Variants in TF observed in about 807,000 individuals in gnomAD.
TF encodes the protein serotransferrin.
Under a neutral mutation model 82.4 loss-of-function variants are expected in TF, and 55 were observed. The observed-to-expected ratio is 0.67, with a 90% CI of 0.54 to 0.84. The LOEUF (loss-of-function observed/expected upper bound fraction) is 0.84, where lower values mean the gene tolerates loss of function less well. TF is among the 40% of genes least tolerant of loss of function. The pLI is 0.00. For missense variants in TF, 737 were observed against 868.4 expected (o/e 0.85, Z 1.90); for synonymous variants, 332 against 332.6 (o/e 1.00, Z 0.02).
the TF span, among the ~76,000 whole-genome samples, chr3:133,683,933 A>G: frequency 6.6e-6 from 1 of 152,210 alleles, no homozygotes; most frequent in African/African-American, 2.4e-5. Context: ...TTATTCCAAA[A>G]TTGACCACAT....
the TF span, among the ~76,000 whole-genome samples, chr3:133,669,193 G>C: frequency 3.3e-5 from 5 of 152,062 alleles, no homozygotes; most frequent in African/African-American, 9.6e-5. Flanking sequence ...GTAGAGACGG[G>C]GTTTCACTAT....
the TF span, among the ~76,000 whole-genome samples, chr3:133,685,242 A>G: frequency 3.3e-5 from 5 of 152,362 alleles, no homozygotes; most frequent in South Asian, 2.1e-4. Flanking sequence ...CCCACAGCCA[A>G]TATCATACTG....
At position 133,753,618 on chromosome 3, in the gene TF, A is replaced by G. The variant is rs1933736844; in HGVS notation, c.240A>G (p.Thr80=). The G allele has an allele frequency of 1.9e-6, 3 of 1,614,210 alleles. No individual in the cohort carries two copies. The highest frequency in any genetic ancestry group is 3.3e-4 in the Middle Eastern group (2 of 6,062). ...AIAANEADAV[T]LDAGLVYDAY... is the part of the protein sequence containing the mutation. Reference sequence around the variant, plus strand: ...AGGCAAACGAAGCGGATGCTGTGACACTGGATGCAGGTTTGGTGTATGATG... The same window carrying G: ...AGGCAAACGAAGCGGATGCTGTGACGCTGGATGCAGGTTTGGTGTATGATG... The change falls in exon 3 of 17, where the codon ACA becomes ACG. Residue 80 remains threonine (T), a synonymous_variant. Coordinates refer to ENST00000402696, the MANE Select transcript of TF (RefSeq NM_001063.4).
chr3:133,742,280 G>A (rs140542915), upstream of TF, among the ~76,000 whole-genome samples: 1,004 of 152,198 alleles, frequency 6.6e-3, 8 homozygotes, highest in African/African-American at 0.022. Flanking sequence ...CCACCCCCAC[G>A]CTGTAATTCT....
chr3:133,770,806 G>C lies in TF; in HGVS notation c.1687+234G>C, dbSNP rs142078857. 2.7e-3 allele frequency: 1,578 copies of C among 590,160 alleles called. 9 individuals carry two copies. Among genetic ancestry groups the C allele is most frequent in the Non-Finnish European group, 3.2e-3 (1,051 of 330,668 alleles). The allele number at this position is 590,160 out of a possible 1,614,324, so 36.6% of individuals were successfully genotyped here. A position where few individuals can be genotyped will look rare whatever the true frequency, so the allele number is the denominator to read the frequency against. On this transcript the variant is annotated intron_variant, in intron 14 of 16. Transcript: ENST00000402696. ...CTCCCCAACACACACTCCCACAGCT[G>C]CAAGCCTTGTGCTCCTTTCCCCTAA...
At chr3:133,722,795 T>A in the TF span, among the ~76,000 whole-genome samples, 9 of 152,240 alleles carry the variant, frequency 5.9e-5, no homozygotes, top group African/African-American at 1.9e-4. Context: ...ACTAGAAGAC[T>A]GAGAGTTTTA....
chr3:133,715,427 C>T, the TF span, among the ~76,000 whole-genome samples: 5 of 152,180 alleles, frequency 3.3e-5, no homozygotes, highest in South Asian at 2.1e-4. Context: ...TGTCCTGCAC[C>T]GGTTCAGGAT....
intron 2 of TF, among the ~76,000 whole-genome samples, chr3:133,751,326 G>A (rs909898676): frequency 1.3e-5 from 2 of 149,444 alleles, no homozygotes; most frequent in Admixed American, 6.7e-5. Flanking sequence ...TCCGCCTCCC[G>A]GGTTCACGCC....
At chr3:133,778,493 T>C in intron 16 of TF, 93 bp from the exon 17 acceptor site, 1 of 1,421,744 alleles carries the variant, frequency 7.0e-7, no homozygotes, top group Non-Finnish European at 9.9e-7. Context: ...GTCTGCACAC[T>C]TTGTACTATG....
Position 133,756,857 on chromosome 3 carries a change from G to C in TF, c.718G>C (p.Asp240His). ...FENLANKADR[D>H]QYELLCLDNT... The stretch of plus-strand genomic sequence containing the variant: ...GAACTTGGCAAACAAGGCTGACAGG[G>C]ACCAGTATGAGCTGCTTTGCCTGGA... The change falls in exon 7 of 17, where the codon GAC becomes CAC. Residue 240 changes from aspartate (D) to histidine (H), a missense_variant. Physicochemically the swap from Asp to His is moderately conservative, Grantham distance 81. Coordinates refer to ENST00000402696, the MANE Select transcript of TF (RefSeq NM_001063.4). 1 of 1,614,184 alleles carries C rather than the reference G, an allele frequency of 6.2e-7. No homozygotes were observed. The highest frequency in any genetic ancestry group is 8.5e-7 in the Non-Finnish European group (1 of 1,180,020).
chr3:133,777,552 G>T (rs1934427112), intron 16 of TF: 1 of 289,816 alleles, frequency 3.5e-6, no homozygotes, highest in Non-Finnish European at 6.6e-6. Flanking sequence ...GATTAGAGTT[G>T]CCTTGTCCAA....
rs8177302 is a variant in TF, at chr3:133,775,394, C to A, written c.1688-39C>A. The stretch of plus-strand genomic sequence containing the variant: ...CCATCTCCCCAGCGGGGCACCTTGA[C>A]CAAAGCCATCAGCTGAACCACCTTC... On this transcript the variant is annotated intron_variant, in intron 14 of 16. Coordinates refer to ENST00000402696, the MANE Select transcript of TF (RefSeq NM_001063.4). The A allele has an allele frequency of 2.3e-3, 3,754 of 1,612,284 alleles. 69 individuals are homozygous for A. The African/African-American group carries it at 0.043, about 18-fold the overall frequency.
At chr3:133,754,298 T>C (rs564747806) in intron 3 of TF, among the ~76,000 whole-genome samples, 197 bp from the exon 4 acceptor site, 1 of 152,260 alleles carries the variant, frequency 6.6e-6, no homozygotes, top group South Asian at 2.1e-4. Context: ...GGAGGGGTAA[T>C]ATTATAAATA....
intron 5 of TF, 113 bp from the exon 6 acceptor site, chr3:133,756,169 G>T (rs1336494395): frequency 2.0e-6 from 2 of 1,006,482 alleles, no homozygotes; most frequent in Non-Finnish European, 1.5e-6. Context: ...TCAGCTACGG[G>T]GCTGCACCAG....
chr3:133,721,373 T>C, the TF span, among the ~76,000 whole-genome samples: 4 of 152,208 alleles, frequency 2.6e-5, no homozygotes, highest in African/African-American at 9.6e-5. Context: ...AAGCATGATG[T>C]TTAATATATA....
intron 11 of TF, among the ~76,000 whole-genome samples, chr3:133,766,016 C>T (rs1379065306): frequency 6.6e-6 from 1 of 152,276 alleles, no homozygotes; most frequent in Admixed American, 6.5e-5. Flanking sequence ...ACTTCAGTGA[C>T]TTTATGCACT....
At chr3:133,731,876 C>T in the TF span, among the ~76,000 whole-genome samples, 57,305 of 152,028 alleles carry the variant, frequency 0.38, 11,205 homozygotes, top group South Asian at 0.5. Flanking sequence ...TATTACTGTA[C>T]GGATTGCATG....
At chr3:133,693,751 G>A in the TF span, among the ~76,000 whole-genome samples, 2 of 152,348 alleles carry the variant, frequency 1.3e-5, no homozygotes, top group African/African-American at 4.8e-5. Context: ...AGGGGAGGTT[G>A]AGGGGAAGGT....
At chr3:133,697,079 A>G in the TF span, among the ~76,000 whole-genome samples, 12 of 152,216 alleles carry the variant, frequency 7.9e-5, no homozygotes, top group African/African-American at 2.9e-4. Context: ...CTAACATGAA[A>G]TTGACTTCAG....
Sources: gnomAD v4.1 joint callset for allele counts (sites outside exome capture counted in the v4.1 genomes callset) on GRCh38, gnomAD v4.1.1 for gene constraint, MANE v1.5 for transcripts, NCBI Gene and HGNC (gene_info 2026-07-23, HGNC 2026-07-21) for gene names.